Variants in FOXP2 observed in about 807,000 individuals in gnomAD.
FOXP2 encodes forkhead box P2.
In FOXP2, 12 loss-of-function variants were observed where a neutral mutation model predicts 115.8. That is an observed-to-expected ratio of 0.10 (90% CI 0.07 to 0.17). The LOEUF is 0.17. Ranked by LOEUF, FOXP2 falls within the 10% of genes least tolerant of loss-of-function variation. The pLI is 1.00. For synonymous variants in FOXP2, 328 were observed against 297.7 expected, an observed-to-expected ratio of 1.10 and a Z score of -1.05; for missense variants, 629 against 843.5, an observed-to-expected ratio of 0.75 and a Z score of 3.15.
chr7:114,543,977 T>C (rs1799802594), intron 3 of FOXP2, among the ~76,000 whole-genome samples: 1 of 152,198 alleles, frequency 6.6e-6, no homozygotes, highest in South Asian at 2.1e-4. Flanking sequence ...GAAATGTTCC[T>C]TCAGAGTAAA....
chr7:114,426,449 T>C (rs1034955625), intron 1 of FOXP2, 53 bp from the exon 2 acceptor site: 37 of 1,539,114 alleles, frequency 2.4e-5, no homozygotes, highest in Non-Finnish European at 3.1e-5. Context: ...ATCTTGATAA[T>C]GGAAGTGTGA....
chr7:114,173,546 G>A (rs1409185495), intron 1 of FOXP2, among the ~76,000 whole-genome samples: 1 of 151,446 alleles, frequency 6.6e-6, no homozygotes, highest in African/African-American at 2.4e-5. Context: ...TTCAGGCTCT[G>A]GATATAGCTA....
At chr7:114,505,913 CT>C (rs1442453968) in intron 2 of FOXP2, among the ~76,000 whole-genome samples, 1 of 151,592 alleles carries the variant, frequency 6.6e-6, no homozygotes, top group African/African-American at 2.4e-5. Context: ...ATTCTACTTA[CT>C]TTTTTGTAGC....
chr7:114,219,627 A>G (rs147077678), intron 1 of FOXP2, among the ~76,000 whole-genome samples: 5 of 151,776 alleles, frequency 3.3e-5, no homozygotes, highest in Non-Finnish European at 7.4e-5. Flanking sequence ...GTTTTTATTA[A>G]CAAGACTGAT....
At chr7:114,659,070 C>T (rs1806738884) in intron 11 of FOXP2, among the ~76,000 whole-genome samples, 1 of 152,104 alleles carries the variant, frequency 6.6e-6, no homozygotes, top group Non-Finnish European at 1.5e-5. Flanking sequence ...AAGAATATGC[C>T]TAAACTACCC....
intron 16 of FOXP2, among the ~76,000 whole-genome samples, chr7:114,677,535 G>T (rs1585020074): frequency 6.6e-6 from 1 of 152,274 alleles, no homozygotes; most frequent in Admixed American, 6.5e-5. Flanking sequence ...TTACTCTAGG[G>T]AATACACTGT....
chr7:114,322,611 A>G (rs1365817791), intron 2 of FOXP2, among the ~76,000 whole-genome samples: 2 of 152,144 alleles, frequency 1.3e-5, no homozygotes, highest in Admixed American at 6.5e-5. Flanking sequence ...TTTTGCAGAC[A>G]AGGAAACTGA....
intron 16 of FOXP2, chr7:114,668,777 A>T (rs1330084831): frequency 6.6e-6 from 1 of 152,164 alleles, no homozygotes; most frequent in Non-Finnish European, 1.5e-5. Flanking sequence ...AGTATAAGAA[A>T]CCCCTAGCAC....
intron 1 of FOXP2, among the ~76,000 whole-genome samples, chr7:114,104,349 G>A (rs1449540019): frequency 6.6e-6 from 1 of 151,850 alleles, no homozygotes; most frequent in Non-Finnish European, 1.5e-5. Flanking sequence ...AGTGCAAAAA[G>A]ACCTAATGCA....
chr7:114,308,069 G>C (rs545440311), intron 2 of FOXP2, among the ~76,000 whole-genome samples: 1 of 152,036 alleles, frequency 6.6e-6, no homozygotes, highest in Non-Finnish European at 1.5e-5. Context: ...CGGGATTGTT[G>C]CTTTCACTCC....
intron 3 of FOXP2, among the ~76,000 whole-genome samples, chr7:114,566,350 G>C (rs1003835315): frequency 6.6e-6 from 1 of 152,024 alleles, no homozygotes; most frequent in African/African-American, 2.4e-5. Flanking sequence ...CCCAGTGTTG[G>C]AGGTGGGGCC....
At chr7:114,437,008 A>G (rs1311037072) in intron 2 of FOXP2, among the ~76,000 whole-genome samples, 6 of 152,196 alleles carry the variant, frequency 3.9e-5, no homozygotes, top group Non-Finnish European at 1.5e-5. Context: ...CCTCATATTT[A>G]GACTGATAAT....
At chr7:114,492,075 G>T (rs1183433982) in intron 2 of FOXP2, among the ~76,000 whole-genome samples, 7 of 152,154 alleles carry the variant, frequency 4.6e-5, no homozygotes, top group Admixed American at 3.9e-4. Flanking sequence ...ATTAATTATT[G>T]CCTCAATTTC....
intron 16 of FOXP2, among the ~76,000 whole-genome samples, chr7:114,679,266 A>G (rs1212555584): frequency 6.6e-6 from 1 of 152,288 alleles, no homozygotes; most frequent in East Asian, 1.9e-4. Context: ...TGCCCGGCCT[A>G]CATTGTAAAT....
intron 1 of FOXP2, among the ~76,000 whole-genome samples, chr7:114,419,172 G>A (rs942415023): frequency 6.6e-6 from 1 of 151,780 alleles, no homozygotes; most frequent in Non-Finnish European, 1.5e-5. Context: ...TACATATGTA[G>A]TATGTCAAAT....
intron 2 of FOXP2, among the ~76,000 whole-genome samples, chr7:114,356,784 C>T (rs905464977): frequency 4.6e-5 from 7 of 152,080 alleles, no homozygotes; most frequent in Non-Finnish European, 8.8e-5. Context: ...AGGACATTCC[C>T]TGGCTTTTGT....
At chr7:114,463,384 A>G (rs950672715) in intron 2 of FOXP2, among the ~76,000 whole-genome samples, 1 of 152,234 alleles carries the variant, frequency 6.6e-6, no homozygotes, top group South Asian at 2.1e-4. Flanking sequence ...CACAATGGCC[A>G]CTATCCACAT....
chr7:114,627,927 G>GAC lies in FOXP2; in HGVS notation c.259-601_259-600dup, dbSNP rs200401987. Among the ~76,000 whole-genome samples, 44 of 150,700 alleles carry GAC rather than the reference G, an allele frequency of 2.9e-4. No homozygotes were observed. In the East Asian group the frequency reaches 7.0e-3, roughly 24 times the overall value. The stretch of plus-strand genomic sequence containing the variant: ...CATTATTTTTCTGGATATACACACA[G>GAC]ACACACACACACATATATATATATA... On this transcript the variant is annotated intron_variant, in intron 3 of 16. Coordinates refer to ENST00000350908, the MANE Select transcript of FOXP2 (RefSeq NM_014491.4).
At chr7:114,584,729 C>A (rs1802045974) in intron 3 of FOXP2, among the ~76,000 whole-genome samples, 2 of 152,196 alleles carry the variant, frequency 1.3e-5, no homozygotes, top group African/African-American at 4.8e-5. Context: ...TTCCTCTCTG[C>A]TCTGAAAGTG....
Sources: gnomAD v4.1 joint callset for allele counts (sites outside exome capture counted in the v4.1 genomes callset) on GRCh38, gnomAD v4.1.1 for gene constraint, MANE v1.5 for transcripts, NCBI Gene and HGNC (gene_info 2026-07-23, HGNC 2026-07-21) for gene names.